The following CREB5 variants were observed in gnomAD, a reference collection of about 807,000 sequenced individuals.
CREB5 encodes cAMP responsive element binding protein 5.
In CREB5, 19 loss-of-function variants were observed where a neutral mutation model predicts 57.1. The ratio of observed to expected loss-of-function variants is 0.33; its 90% CI spans 0.23 to 0.49. The LOEUF (loss-of-function observed/expected upper bound fraction) is 0.49. Ranked by LOEUF, CREB5 falls within the 20% of genes least tolerant of loss-of-function variation. CREB5 has a pLI of 0.99. For synonymous variants in CREB5, 238 were observed against 238.3 expected (o/e 1.00, Z 0.01); for missense variants, 579 against 671.6 (o/e 0.86, Z 1.52).
At chr7:28,691,894 C>T (rs992561456) in intron 5 of CREB5, among the ~76,000 whole-genome samples, 1 of 150,946 alleles carries the variant, frequency 6.6e-6, no homozygotes, top group African/African-American at 2.4e-5. Context: ...TGTGGCTGGG[C>T]GTGGTGGCTC....
rs1583828806 is a variant in CREB5, at chr7:28,824,455, A to T, written c.*5176A>T. 6.6e-6 allele frequency: 1 copy of T among 152,610 alleles called. No individual in the cohort carries two copies. 9.5% of individuals were successfully genotyped at this position (152,610 alleles called of 1,614,324 possible). ...AAAGAACAGTGGCCCTATCGATTTC[A>T]TTCCTAGGTCTCAAAAATACAATGT... On this transcript the variant is annotated 3_prime_UTR_variant, in exon 11 of 11. Transcript: ENST00000357727.
At chr7:28,658,953 G>GTATATATATATATATATATATA (rs72106956) in intron 5 of CREB5, among the ~76,000 whole-genome samples, 28 of 99,570 alleles carry the variant, frequency 2.8e-4, no homozygotes, top group African/African-American at 8.5e-4. Flanking sequence ...GTGTGTGTGT[G>GTATATATATATATATATATATA]TATATATATA....
At chr7:28,303,424 C>T (rs777966502) in intron 1 of CREB5, among the ~76,000 whole-genome samples, 3 of 152,088 alleles carry the variant, frequency 2.0e-5, no homozygotes, top group Non-Finnish European at 4.4e-5. Context: ...AATACTATAA[C>T]AATAAATCAA....
chr7:28,477,449 C>T (rs6946223), intron 1 of CREB5, among the ~76,000 whole-genome samples: 6,618 of 152,248 alleles, frequency 0.043, 419 homozygotes, highest in African/African-American at 0.14. Context: ...CACGTTCATG[C>T]GTAGGAAGGG....
intron 7 of CREB5, among the ~76,000 whole-genome samples, chr7:28,764,359 TA>T (rs397740035): frequency 4.7e-5 from 7 of 148,344 alleles, no homozygotes; most frequent in South Asian, 2.1e-4. Flanking sequence ...AATTCTCCTG[TA>T]AAAAAAAAAA....
intron 8 of CREB5, among the ~76,000 whole-genome samples, chr7:28,807,728 CTTGTAAAACAACTTTA>C (rs1356754539): frequency 6.6e-6 from 1 of 151,774 alleles, no homozygotes; most frequent in African/African-American, 2.4e-5. Context: ...TTAAATGTCT[CTTGTAAAACAACTTTA>C]TAGGTATTAC....
intron 5 of CREB5, among the ~76,000 whole-genome samples, chr7:28,607,696 CA>C (rs1438387752): frequency 1.3e-5 from 2 of 149,720 alleles, no homozygotes; most frequent in Non-Finnish European, 3.0e-5. Flanking sequence ...TGATAAAGAA[CA>C]TTGACTCTTA....
At chr7:28,479,388 C>G (rs1300494493) in intron 1 of CREB5, among the ~76,000 whole-genome samples, 1 of 152,204 alleles carries the variant, frequency 6.6e-6, no homozygotes, top group Non-Finnish European at 1.5e-5. Flanking sequence ...AATCCCCTTA[C>G]TGGGCCACCC....
intron 5 of CREB5, among the ~76,000 whole-genome samples, chr7:28,590,672 T>TATAATA (rs71555752): frequency 0.015 from 2,167 of 142,926 alleles, 26 homozygotes; most frequent in African/African-American, 0.038. Flanking sequence ...GAACTTAAAG[T>TATAATA]ATAATAATAA....
At position 28,713,970 on chromosome 7, in the gene CREB5, C is replaced by T. The variant is rs76382718; in HGVS notation, c.465-4783C>T. Among the ~76,000 whole-genome samples the T allele has an allele frequency of 6.2e-3, 943 of 151,696 alleles. 12 individuals are homozygous for T. Among genetic ancestry groups the T allele is most frequent in the African/African-American group, 0.021 (884 of 41,338 alleles). Reference sequence around the variant, plus strand: ...GGTCTGTTATTTGTTTTCTGTTTTTCGGTTTTTTTGGAGATAAGAGTCTCA... The same window carrying T: ...GGTCTGTTATTTGTTTTCTGTTTTTTGGTTTTTTTGGAGATAAGAGTCTCA... On this transcript the variant is annotated intron_variant, in intron 5 of 10. Coordinates refer to ENST00000357727, the MANE Select transcript of CREB5 (RefSeq NM_182898.4).
intron 7 of CREB5, among the ~76,000 whole-genome samples, chr7:28,751,807 T>G (rs1013285950): frequency 6.6e-6 from 1 of 152,194 alleles, no homozygotes; most frequent in Admixed American, 6.5e-5. Flanking sequence ...ACCAATGTCT[T>G]TTTTTCTGTT....
intron 5 of CREB5, among the ~76,000 whole-genome samples, chr7:28,643,907 C>T (rs1056474504): frequency 3.9e-5 from 6 of 152,014 alleles, no homozygotes; most frequent in Non-Finnish European, 8.8e-5. Flanking sequence ...ATAGGGATAC[C>T]CCATCTCCAC....
chr7:28,683,703 A>C (rs1348891203), intron 5 of CREB5, among the ~76,000 whole-genome samples: 4 of 152,164 alleles, frequency 2.6e-5, no homozygotes. Flanking sequence ...GCATTGGCTG[A>C]AGCTATCATC....
chr7:28,331,058 A>G (rs1785707626), intron 1 of CREB5, among the ~76,000 whole-genome samples: 1 of 152,126 alleles, frequency 6.6e-6, no homozygotes, highest in Non-Finnish European at 1.5e-5. Flanking sequence ...AGTGAGGCCC[A>G]CTTTGTTCCC....
At chr7:28,560,879 C>T (rs1355964592) in intron 4 of CREB5, among the ~76,000 whole-genome samples, 276 of 22,006 alleles carry the variant, frequency 0.013, 32 homozygotes, top group Admixed American at 0.017. Flanking sequence ...CGTGCGCGTG[C>T]GTGCGTGCGT....
chr7:28,795,951 A>C lies in CREB5; in HGVS notation c.703-8248A>C, dbSNP rs1474191063. The stretch of plus-strand genomic sequence containing the variant: ...ATATTTTTAGTAGAGATGGGGTTTC[A>C]CTATGTTGACCCGCTAGTCTCAACC... On this transcript the variant is annotated intron_variant, in intron 7 of 10. Transcript: ENST00000357727. Among the ~76,000 whole-genome samples the C allele has an allele frequency of 3.3e-5, 5 of 152,078 alleles. No homozygotes were observed. The South Asian group carries it at 6.2e-4, about 19-fold the overall frequency.
In CREB5 at chr7:28,692,528, C is replaced by T. The variant is rs756251301; in HGVS notation, c.465-26225C>T. On this transcript the variant is annotated intron_variant, in intron 5 of 10. Transcript: ENST00000357727. ...TTTAAAAGGCCTGGATTCAATCACT[C>T]TTCTACTTACTGGTTGTGTGACTTT... Among the ~76,000 whole-genome samples the T allele has an allele frequency of 3.6e-4, 55 of 152,192 alleles. 1 individual carries two copies. Among genetic ancestry groups the T allele is most frequent in the Non-Finnish European group, 5.9e-5 (4 of 68,038 alleles).
At chr7:28,673,146 A>C (rs991301618) in intron 5 of CREB5, among the ~76,000 whole-genome samples, 1 of 152,196 alleles carries the variant, frequency 6.6e-6, no homozygotes, top group South Asian at 2.1e-4. Flanking sequence ...AACATCCACA[A>C]TTTAGCGTTT....
intron 7 of CREB5, among the ~76,000 whole-genome samples, chr7:28,725,682 A>AGAAC (rs1803301207): frequency 6.6e-6 from 1 of 151,912 alleles, no homozygotes; most frequent in Admixed American, 6.6e-5. Context: ...AAAGAAAGAA[A>AGAAC]AGAAAGAAAA....
Sources: allele counts gnomAD v4.1 joint callset (sites outside exome capture counted in the v4.1 genomes callset), GRCh38; gene constraint gnomAD v4.1.1; transcripts MANE v1.5; gene names NCBI Gene and HGNC (gene_info 2026-07-23, HGNC 2026-07-21).